CUL2: variants seen among roughly 807,000 people sequenced by gnomAD.
CUL2 encodes the protein cullin-2.
Under a neutral mutation model 110.2 loss-of-function variants are expected in CUL2, and 22 were observed. The ratio of observed to expected loss-of-function variants is 0.20; its 90% CI spans 0.14 to 0.28. CUL2 has a LOEUF of 0.28. Among genes scored for constraint, CUL2 ranks in the 10% least tolerant of loss-of-function variants. The probability of loss-of-function intolerance (pLI) is 1.00; values close to 1 mark genes in which losing one functional copy is unlikely to be tolerated. For synonymous variants in CUL2, 279 were observed against 293.2 expected (o/e 0.95, Z 0.49); for missense variants, 631 against 905.5 (o/e 0.70, Z 3.89).
At chr10:35,047,645 C>T (rs566186049) in intron 6 of CUL2, among the ~76,000 whole-genome samples, 3 of 151,012 alleles carry the variant, frequency 2.0e-5, no homozygotes, top group African/African-American at 4.9e-5. Flanking sequence ...AGGCCGGGTG[C>T]GGTGGCTCAC....
chr10:35,033,174 A>G lies in CUL2; in HGVS notation c.1102T>C (p.Leu368=). 2.5e-6 allele frequency: 4 copies of G among 1,609,626 alleles called. No homozygotes were observed. Among genetic ancestry groups the G allele is most frequent in the Non-Finnish European group, 3.4e-6 (4 of 1,176,376 alleles). The change falls in exon 11 of 21, where the codon TTG becomes CTG. Residue 368 remains leucine, a synonymous_variant. Transcript: ENST00000374749. ...ATGTATTTAAAACTTACCTTATCCA[A>G]CGCACTCATAAAATGCTGATCACCA... The part of the protein sequence containing the change: ...LNGDQHFMSA[L]DKALTSVVNY...
chr10:35,031,303 T>C lies in CUL2; in HGVS notation c.1383A>G (p.Leu461=). ...CCACATTAAAGACTTACATTACCTT[T>C]AATTTGTTGATCATGGCTTCTTCAG... ...MDSEEAMINK[L]KQACGYEFTS... is the part of the protein sequence containing the mutation. Residue 461 remains leucine, a synonymous_variant, in exon 14 of 21, where the codon TTA becomes TTG. Coordinates refer to ENST00000374749, the MANE Select transcript of CUL2 (RefSeq NM_003591.4). The surrounding 1 kb of genome is among the most constrained non-coding windows in gnomAD (Gnocchi z 4.4). The C allele has an allele frequency of 6.3e-7, 1 of 1,576,746 alleles. No individual in the cohort carries two copies. The highest frequency in any genetic ancestry group is 8.6e-7 in the Non-Finnish European group (1 of 1,161,514).
At chr10:35,029,827 T>G (rs1434241718) in intron 14 of CUL2, among the ~76,000 whole-genome samples, 187 bp from the exon 15 acceptor site, 1 of 152,226 alleles carries the variant, frequency 6.6e-6, no homozygotes, top group Non-Finnish European at 1.5e-5. Flanking sequence ...AACTTTCTTT[T>G]TAAAGACGTA....
At chr10:35,104,788 G>A (rs2087432105) in intron 1 of CUL2, among the ~76,000 whole-genome samples, 1 of 151,976 alleles carries the variant, frequency 6.6e-6, no homozygotes, top group Non-Finnish European at 1.5e-5. Context: ...GCAGTGCAAT[G>A]TCACAATCTC....
intron 1 of CUL2, among the ~76,000 whole-genome samples, chr10:35,113,648 A>G (rs117290615): frequency 0.02 from 2,996 of 151,712 alleles, 55 homozygotes; most frequent in Middle Eastern, 0.031. Context: ...AAAATAGAAA[A>G]ATCAATCAAT....
At chr10:35,020,318 C>T (rs985845937) in intron 17 of CUL2, among the ~76,000 whole-genome samples, 6 of 152,150 alleles carry the variant, frequency 3.9e-5, no homozygotes, top group Admixed American at 6.5e-5. Flanking sequence ...AATTAGTGAC[C>T]TCTGACAGTC....
chr10:35,082,555 G>A (rs1250068748), intron 1 of CUL2, among the ~76,000 whole-genome samples: 2 of 152,104 alleles, frequency 1.3e-5, no homozygotes, highest in African/African-American at 2.4e-5. Flanking sequence ...GGTTAAAATG[G>A]TAAATTTTAT....
At chr10:35,088,499 C>CAAAAAAA (rs9299718) in intron 1 of CUL2, among the ~76,000 whole-genome samples, 53 of 88,494 alleles carry the variant, frequency 6.0e-4, no homozygotes, top group Admixed American at 7.7e-4. Flanking sequence ...GACTCCGCCT[C>CAAAAAAA]AAAAAAAAAA....
At chr10:35,077,957 A>T (rs1344383106) in intron 1 of CUL2, among the ~76,000 whole-genome samples, 5 of 152,180 alleles carry the variant, frequency 3.3e-5, no homozygotes, top group Non-Finnish European at 7.3e-5. Flanking sequence ...TAAAAGGGAC[A>T]TGGGGATTTA....
chr10:35,073,793 AG>A (rs756413953), intron 1 of CUL2, among the ~76,000 whole-genome samples: 9 of 151,872 alleles, frequency 5.9e-5, no homozygotes, highest in African/African-American at 9.7e-5. Flanking sequence ...TAGTAGAGAC[AG>A]GGTTTTTCAC....
At chr10:35,106,555 A>G (rs2087459845) in intron 1 of CUL2, among the ~76,000 whole-genome samples, 1 of 150,946 alleles carries the variant, frequency 6.6e-6, no homozygotes, top group African/African-American at 2.4e-5. Flanking sequence ...GATGGTCTCA[A>G]TCTCCTGACC....
chr10:35,109,227 C>T (rs1157089340), intron 1 of CUL2, among the ~76,000 whole-genome samples: 1 of 152,138 alleles, frequency 6.6e-6, no homozygotes, highest in African/African-American at 2.4e-5. Flanking sequence ...GCCTGGGAGA[C>T]AGAGTGAGAC....
chr10:35,029,393 C>T lies in CUL2; in HGVS notation c.1539+95G>A, dbSNP rs115253622. 1.6e-3 allele frequency: 1,443 copies of T among 921,962 alleles called. 17 individuals carry two copies. In the African/African-American group the frequency reaches 0.021, roughly 14 times the overall value. 57.1% of individuals were successfully genotyped at this position (921,962 alleles called of 1,614,324 possible). A position where few individuals can be genotyped will look rare whatever the true frequency, so the allele number is the denominator to read the frequency against. ...GACTTTAGAAGCCACAATCTACTCA[C>T]AGAACCAAACGTAATCAGGCATCCA... is the stretch of plus-strand genomic sequence containing the variant. On this transcript the variant is annotated intron_variant, in intron 15 of 20. Transcript: ENST00000374749.
chr10:35,051,059 T>C (rs1181733513), intron 5 of CUL2, among the ~76,000 whole-genome samples: 2 of 152,222 alleles, frequency 1.3e-5, no homozygotes, highest in African/African-American at 4.8e-5. Flanking sequence ...CTCACGCCTG[T>C]AATCCCAGCA....
intron 1 of CUL2, among the ~76,000 whole-genome samples, chr10:35,103,381 G>A (rs1353858775): frequency 2.2e-5 from 3 of 137,974 alleles, no homozygotes; most frequent in African/African-American, 7.9e-5. Context: ...CTGGAGCGCA[G>A]TGGCACGATC....
At chr10:35,124,526 T>C (rs1339262198) in intron 1 of CUL2, among the ~76,000 whole-genome samples, 1 of 152,176 alleles carries the variant, frequency 6.6e-6, no homozygotes, top group East Asian at 1.9e-4. Flanking sequence ...TGCCTTGCCT[T>C]CTTCTCTTGA....
chr10:35,012,709 G>C (rs563073726), intron 19 of CUL2, among the ~76,000 whole-genome samples: 1 of 152,198 alleles, frequency 6.6e-6, no homozygotes, highest in Admixed American at 6.5e-5. Flanking sequence ...AGGTTTCAAA[G>C]TAAATGGCAG....
chr10:35,028,995 A>G, intron 15 of CUL2, 108 bp from the exon 16 acceptor site: 1 of 668,920 alleles, frequency 1.5e-6, no homozygotes, highest in Non-Finnish European at 2.5e-6. Flanking sequence ...TTCTTCCTCA[A>G]AATGTTGATG....
At chr10:35,050,377 TG>T (rs1400347178) in intron 5 of CUL2, among the ~76,000 whole-genome samples, 1 of 151,878 alleles carries the variant, frequency 6.6e-6, no homozygotes, top group Non-Finnish European at 1.5e-5. Context: ...ACACTATAAA[TG>T]GGCTATAGAT....
Sources: allele counts gnomAD v4.1 joint callset (sites outside exome capture counted in the v4.1 genomes callset), GRCh38; gene constraint gnomAD v4.1.1; non-coding constraint Gnocchi (gnomAD v3.1); transcripts MANE v1.5; gene names NCBI Gene and HGNC (gene_info 2026-07-23, HGNC 2026-07-21).